Variants in DMRTC2 observed in about 807,000 individuals in gnomAD.
The protein encoded by DMRTC2 is DMRT like family C2, also known as doublesex- and mab-3-related transcription factor C2.
In DMRTC2, 13 loss-of-function variants were observed where a neutral mutation model predicts 39.9. That is an observed-to-expected ratio of 0.33 (90% CI 0.21 to 0.52). The LOEUF (loss-of-function observed/expected upper bound fraction) is 0.52, where lower values mean the gene tolerates loss of function less well. Ranked by LOEUF, DMRTC2 falls within the 20% of genes least tolerant of loss-of-function variation. The pLI is 0.96. For synonymous variants in DMRTC2, 189 were observed against 185.2 expected (o/e 1.02, Z -0.17); for missense variants, 431 against 472.8 (o/e 0.91, Z 0.82).
chr19:41,848,408 G>T (rs1468043493), intron 3 of DMRTC2, 44 bp from the exon 4 acceptor site: 14 of 1,534,418 alleles, frequency 9.1e-6, no homozygotes, highest in Non-Finnish European at 1.1e-5. Flanking sequence ...TAGGATAGGG[G>T]TCAGGAGAAA....
Position 41,849,960 on chromosome 19 carries a change from C to T in DMRTC2, c.756-352C>T, listed in dbSNP as rs145949601. ...GGAATGGTGGTGCACACCTGTTTTC[C>T]TGGCTACTTAGGAGGCTGAGGTGGG... On this transcript the variant is annotated intron_variant, in intron 6 of 8. Transcript: ENST00000269945. Among the ~76,000 whole-genome samples, 1,241 of 152,192 alleles carry T rather than the reference C, an allele frequency of 8.2e-3. 10 individuals carry two copies. Among genetic ancestry groups the T allele is most frequent in the Non-Finnish European group, 0.013 (877 of 67,998 alleles).
intron 1 of DMRTC2, among the ~76,000 whole-genome samples, chr19:41,846,622 C>T (rs1555835938): frequency 1.3e-5 from 2 of 152,012 alleles, no homozygotes; most frequent in Non-Finnish European, 2.9e-5. Flanking sequence ...GGCTAAAGTG[C>T]AGTGGCGCGA....
rs1555837161 is a variant in DMRTC2 at position 41,850,564 on chromosome 19, C to G, written c.855C>G (p.Pro285=). 1 of 1,613,448 alleles carries G rather than the reference C, an allele frequency of 6.2e-7. No individual in the cohort carries two copies. ...CGTGCCTGGCCCGGACATCTGGCCC[C>G]TCAGAGTGGCAGCTGCAGCAAGAGG... ...GASCLARTSG[P]SEWQLQQEAA... Residue 285 remains proline (P), a synonymous_variant, in exon 8 of 9, where the codon CCC becomes CCG. Coordinates refer to ENST00000269945, the MANE Select transcript of DMRTC2 (RefSeq NM_001040283.3).
chr19:41,851,579 T>C lies in DMRTC2; in HGVS notation c.992-5T>C. ...CTGATCCTGCCCCTTCCTTCTTGCC[T>C]GTAGCTCCTGCTGGAGGAAGAGGAT... On this transcript the variant is annotated splice_polypyrimidine_tract_variant and splice_region_variant and intron_variant, in intron 8 of 8. Transcript: ENST00000269945. The C allele has an allele frequency of 1.2e-6, 2 of 1,613,762 alleles. No homozygotes were observed. Among genetic ancestry groups the C allele is most frequent in the African/African-American group, 1.3e-5 (1 of 75,050 alleles).
intron 8 of DMRTC2, 35 bp downstream of exon 8, chr19:41,850,735 C>G: frequency 6.6e-7 from 1 of 1,524,310 alleles, no homozygotes; most frequent in Non-Finnish European, 8.8e-7. Flanking sequence ...ATAGGGATGG[C>G]TGGGAAATGG....
intron 8 of DMRTC2, 45 bp from the exon 9 acceptor site, chr19:41,851,539 A>T: frequency 6.5e-7 from 1 of 1,548,102 alleles, no homozygotes; most frequent in African/African-American, 1.4e-5. Context: ...TGCTAGAAGG[A>T]AAAACAGGTG....
At chr19:41,850,939 A>C (rs1348221586) in intron 8 of DMRTC2, 12 of 467,512 alleles carry the variant, frequency 2.6e-5, no homozygotes, top group African/African-American at 2.4e-4. Flanking sequence ...GCACTGAGAA[A>C]GGCAGGGACT....
chr19:41,849,005 A>G (rs1342161530), intron 5 of DMRTC2, 30 bp downstream of exon 5: 4 of 1,613,318 alleles, frequency 2.5e-6, no homozygotes, highest in Non-Finnish European at 2.5e-6. Flanking sequence ...TTCATTCAAC[A>G]TATATTTGAG....
chr19:41,850,463 G>A lies in DMRTC2; in HGVS notation c.817-63G>A, dbSNP rs561693310. On this transcript the variant is annotated intron_variant, in intron 7 of 8. Coordinates refer to ENST00000269945, the MANE Select transcript of DMRTC2 (RefSeq NM_001040283.3). ...GAAACTGAAGGAAGCAGGGGCTGAG[G>A]AACACTTAGAGGGTGGGCAGAAGCG... The A allele has an allele frequency of 1.5e-5, 23 of 1,580,376 alleles. No individual in the cohort carries two copies. In the South Asian group the frequency reaches 2.2e-4, roughly 15 times the overall value.
chr19:41,849,122 C>G lies in DMRTC2; in HGVS notation c.629-8C>G. ...CCTATACACTCTGCATTCTTTTATT[C>G]TTATTAGGCTTTGACCCTGGCACCT... On this transcript the variant is annotated splice_region_variant and splice_polypyrimidine_tract_variant and intron_variant, in intron 5 of 8. Coordinates refer to ENST00000269945, the MANE Select transcript of DMRTC2 (RefSeq NM_001040283.3). The G allele has an allele frequency of 6.2e-7, 1 of 1,614,068 alleles. No individual in the cohort carries two copies.
At chr19:41,845,442 T>G (rs1555835451) in intron 1 of DMRTC2, 1 of 152,142 alleles carries the variant, frequency 6.6e-6, no homozygotes, top group African/African-American at 2.4e-5. Context: ...AAGGAGAAGG[T>G]TTTTGGCCCA....
intron 4 of DMRTC2, 70 bp downstream of exon 4, chr19:41,848,598 C>G: frequency 7.3e-7 from 1 of 1,363,346 alleles, no homozygotes; most frequent in Non-Finnish European, 1.0e-6. Flanking sequence ...TCTTCTGTGC[C>G]CTCAACACCT....
intron 4 of DMRTC2, 128 bp downstream of exon 4, chr19:41,848,656 T>C: frequency 6.8e-7 from 1 of 1,473,026 alleles, no homozygotes; most frequent in Non-Finnish European, 9.4e-7. Context: ...GTCAAATCAC[T>C]GCTCTTCTCT....
rs2073962173 is a variant in DMRTC2 at position 41,851,877 on chromosome 19, C to G, written c.*181C>G. ...TCAGGTGCTTCATTAGCTTTCAGTT[C>G]CTTTGGTAGTGTGGGCATTTCCTTG... On this transcript the variant is annotated 3_prime_UTR_variant, in exon 9 of 9. Coordinates refer to ENST00000269945, the MANE Select transcript of DMRTC2 (RefSeq NM_001040283.3). 1.7e-6 allele frequency: 1 copy of G among 606,004 alleles called. No individual in the cohort carries two copies. The highest frequency in any genetic ancestry group is 3.0e-5 in the Admixed American group (1 of 33,790). The allele number at this position is 606,004 out of a possible 1,614,324, so 37.5% of individuals were successfully genotyped here.
Position 41,849,114 on chromosome 19 carries a change from C to T in DMRTC2, c.629-16C>T, listed in dbSNP as rs782349470. ...CCTTGGCCCCTATACACTCTGCATT[C>T]TTTTATTCTTATTAGGCTTTGACCC... On this transcript the variant is annotated splice_polypyrimidine_tract_variant and intron_variant, in intron 5 of 8. Coordinates refer to ENST00000269945, the MANE Select transcript of DMRTC2 (RefSeq NM_001040283.3). The T allele has an allele frequency of 5.0e-6, 8 of 1,614,050 alleles. No homozygotes were observed. The South Asian group carries it at 8.8e-5, about 18-fold the overall frequency.
intron 4 of DMRTC2, 45 bp downstream of exon 4, chr19:41,848,573 C>T (rs782488819): frequency 3.5e-6 from 5 of 1,412,434 alleles, no homozygotes; most frequent in Admixed American, 2.3e-5. Context: ...CACCCTAGTT[C>T]CTACCCAGAC....
At chr19:41,849,030 A>G in intron 5 of DMRTC2, 55 bp downstream of exon 5, 1 of 1,612,158 alleles carries the variant, frequency 6.2e-7, no homozygotes, top group Non-Finnish European at 8.5e-7. Flanking sequence ...AATCTGCCAC[A>G]TATTGGAGAG....
At chr19:41,851,432 G>A (rs1555837345) in intron 8 of DMRTC2, 152 bp from the exon 9 acceptor site, 2 of 642,752 alleles carry the variant, frequency 3.1e-6, no homozygotes, top group Admixed American at 2.8e-5. Flanking sequence ...GTTTGGAGGA[G>A]GCAAGACTGG....
chr19:41,847,337 T>G, intron 1 of DMRTC2, 88 bp from the exon 2 acceptor site: 1 of 1,473,626 alleles, frequency 6.8e-7, no homozygotes, highest in Middle Eastern at 2.5e-4. Flanking sequence ...AGGGGCAGGA[T>G]GGAGACCTGC....
Sources: allele counts gnomAD v4.1 joint callset (sites outside exome capture counted in the v4.1 genomes callset), GRCh38; gene constraint gnomAD v4.1.1; transcripts MANE v1.5; gene names NCBI Gene and HGNC (gene_info 2026-07-23, HGNC 2026-07-21).